The following FBLN1 variants were observed in gnomAD, a reference collection of about 807,000 sequenced individuals.
FBLN1 encodes the protein fibulin-1.
A neutral mutation model predicts 89.7 loss-of-function variants in FBLN1; 34 were observed. That is an observed-to-expected ratio of 0.38 (90% confidence interval 0.29 to 0.50). The LOEUF (loss-of-function observed/expected upper bound fraction) is 0.50. Ranked by LOEUF, FBLN1 falls within the 20% of genes least tolerant of loss-of-function variation. The pLI is 0.92. For missense variants in FBLN1, 777 were observed against 988.1 expected, an observed-to-expected ratio of 0.79 and a Z score of 2.86; for synonymous variants, 393 against 391.3, an observed-to-expected ratio of 1.00 and a Z score of -0.05.
intron 1 of FBLN1, among the ~76,000 whole-genome samples, chr22:45,506,722 C>T (rs906392350): frequency 4.2e-4 from 64 of 152,288 alleles, no homozygotes; most frequent in Non-Finnish European, 1.5e-4. Flanking sequence ...ACTTCCAGTT[C>T]CTTCCAGTTC....
intron 14 of FBLN1, among the ~76,000 whole-genome samples, chr22:45,552,202 A>G (rs1171277967): frequency 6.6e-6 from 1 of 151,784 alleles, no homozygotes; most frequent in Non-Finnish European, 1.5e-5. Context: ...GGAGGAGGGG[A>G]CCCCACCTGG....
At chr22:45,535,449 G>T in intron 8 of FBLN1, 112 bp downstream of exon 8, 1 of 1,346,050 alleles carries the variant, frequency 7.4e-7, no homozygotes, top group South Asian at 1.2e-5. Context: ...AACAGGGGTT[G>T]GCAAACTTTT....
At chr22:45,554,830 G>A (rs1232104722) in intron 14 of FBLN1, among the ~76,000 whole-genome samples, 1 of 152,234 alleles carries the variant, frequency 6.6e-6, no homozygotes, top group East Asian at 1.9e-4. Flanking sequence ...TCAGTACACA[G>A]GAGACGACCC....
In FBLN1 at chr22:45,532,549, A is replaced by T. The variant is rs1490111688; in HGVS notation, c.545-514A>T. Among the ~76,000 whole-genome samples, 1 of 152,156 alleles carries T rather than the reference A, an allele frequency of 6.6e-6. No homozygotes were observed. The highest frequency in any genetic ancestry group is 1.5e-5 in the Non-Finnish European group (1 of 68,020). The stretch of plus-strand genomic sequence containing the variant: ...CTGAGCATCACTCTGGCCACCCTGT[A>T]GGAAGAACAGGTTGTGGGGTGCTTC... On this transcript the variant is annotated intron_variant, in intron 5 of 16. Coordinates refer to ENST00000327858, the MANE Select transcript of FBLN1 (RefSeq NM_006486.3). The surrounding 1 kb of genome is among the most constrained non-coding windows in gnomAD (Gnocchi z 4.2).
At chr22:45,526,477 G>C (rs566380022) in intron 3 of FBLN1, among the ~76,000 whole-genome samples, 29 of 152,366 alleles carry the variant, frequency 1.9e-4, no homozygotes, top group African/African-American at 6.7e-4. Flanking sequence ...GCCTGGAGGA[G>C]CTCGGGTTTG....
chr22:45,519,252 A>G (rs1346974717), intron 2 of FBLN1, among the ~76,000 whole-genome samples: 1 of 152,240 alleles, frequency 6.6e-6, no homozygotes, highest in African/African-American at 2.4e-5. Flanking sequence ...CAACATCTGG[A>G]TCGACCGTTT....
chr22:45,577,317 C>G lies in FBLN1; in HGVS notation c.1972+209C>G, dbSNP rs1195571777. Among the ~76,000 whole-genome samples the G allele has an allele frequency of 6.6e-6, 1 of 152,194 alleles. No individual in the cohort carries two copies. Among genetic ancestry groups the G allele is most frequent in the Non-Finnish European group, 1.5e-5 (1 of 68,038 alleles). ...GGGGGATCCTGCCTGGGATCTGACC[C>G]TAGCTGTGCCACCCACTCTCTGGGT... On this transcript the variant is annotated intron_variant, in intron 16 of 16. Coordinates refer to ENST00000327858, the MANE Select transcript of FBLN1 (RefSeq NM_006486.3). The surrounding 1 kb of genome is among the most constrained non-coding windows in gnomAD (Gnocchi z 6.6).
intron 16 of FBLN1, among the ~76,000 whole-genome samples, chr22:45,584,856 G>C (rs2089071349): frequency 6.6e-6 from 1 of 152,224 alleles, no homozygotes; most frequent in African/African-American, 2.4e-5. Context: ...GGTGAGGCCG[G>C]CCTGGCCGGA....
chr22:45,532,361 C>T lies in FBLN1; in HGVS notation c.545-702C>T, dbSNP rs533735965. Among the ~76,000 whole-genome samples, 2 of 152,130 alleles carry T rather than the reference C, an allele frequency of 1.3e-5. No homozygotes were observed. Among genetic ancestry groups the T allele is most frequent in the Admixed American group, 1.3e-4 (2 of 15,288 alleles). ...GAGACCTGAAGCCTTGTAAAGGGCA[C>T]GGACCCACTGTAGCAGGGTACTGGG... On this transcript the variant is annotated intron_variant, in intron 5 of 16. Coordinates refer to ENST00000327858, the MANE Select transcript of FBLN1 (RefSeq NM_006486.3). This position sits in a 1 kb window ranked among gnomAD's most constrained non-coding sequence, Gnocchi z 4.2.
intron 14 of FBLN1, among the ~76,000 whole-genome samples, chr22:45,566,433 G>A (rs146473179): frequency 1.1e-3 from 172 of 152,292 alleles, no homozygotes; most frequent in African/African-American, 3.7e-3. Flanking sequence ...CCCCTGTCCC[G>A]CAGCTCCTTG....
rs2087970858 is a variant in FBLN1 at position 45,503,197 on chromosome 22, G to T, written c.79+133G>T. The T allele has an allele frequency of 7.7e-6, 4 of 519,670 alleles. 1 individual carries two copies. The South Asian group carries it at 3.7e-4, about 48-fold the overall frequency. The allele number at this position is 519,670 out of a possible 1,614,324, so 32.2% of individuals were successfully genotyped here. On this transcript the variant is annotated intron_variant, in intron 1 of 16. Coordinates refer to ENST00000327858, the MANE Select transcript of FBLN1 (RefSeq NM_006486.3). ...TGCGCGGCGCCCCCGGACTGTCAGCGCCGAGGCCTCGGCGACGCCCCCCTC... is the reference window on the plus strand; with the variant it reads ...TGCGCGGCGCCCCCGGACTGTCAGCTCCGAGGCCTCGGCGACGCCCCCCTC...
rs1407393965 is a variant in FBLN1 at position 45,572,330 on chromosome 22, C to T, written c.1698-2181C>T. ...GGACCCAGGAGCCAACTTCATTTTC[C>T]CTCTGGCAAGAGATGGGAAAATTTG... On this transcript the variant is annotated intron_variant, in intron 14 of 16. Coordinates refer to ENST00000327858, the MANE Select transcript of FBLN1 (RefSeq NM_006486.3). The surrounding 1 kb of genome is among the most constrained non-coding windows in gnomAD (Gnocchi z 5.8). Among the ~76,000 whole-genome samples, 1 of 152,038 alleles carries T rather than the reference C, an allele frequency of 6.6e-6. No homozygotes were observed. Among genetic ancestry groups the T allele is most frequent in the Non-Finnish European group, 1.5e-5 (1 of 68,010 alleles).
At chr22:45,542,019 C>A in intron 9 of FBLN1, 136 bp from the exon 10 acceptor site, 1 of 1,330,102 alleles carries the variant, frequency 7.5e-7, no homozygotes, top group Non-Finnish European at 1.1e-6. Context: ...TCAGTAGGTG[C>A]TCTGTGAAGT....
In FBLN1 at chr22:45,581,048, G is replaced by A. The variant is rs1601536628; in HGVS notation, c.1972+3940G>A. Among the ~76,000 whole-genome samples the A allele has an allele frequency of 1.3e-5, 2 of 152,342 alleles. No homozygotes were observed. The highest frequency in any genetic ancestry group is 2.1e-4 in the South Asian group (1 of 4,822). On this transcript the variant is annotated intron_variant, in intron 16 of 16. Coordinates refer to ENST00000327858, the MANE Select transcript of FBLN1 (RefSeq NM_006486.3). The surrounding 1 kb of genome is among the most constrained non-coding windows in gnomAD (Gnocchi z 7.6). ...GGCCACTACAAAGCTTTCCTTATCTGGCTCTGGATTCATTCTCAGCTCTGC... is the reference window on the plus strand; with the variant it reads ...GGCCACTACAAAGCTTTCCTTATCTAGCTCTGGATTCATTCTCAGCTCTGC...
intron 2 of FBLN1, among the ~76,000 whole-genome samples, chr22:45,524,281 T>C (rs2088290645): frequency 1.3e-5 from 2 of 152,234 alleles, no homozygotes; most frequent in African/African-American, 4.8e-5. Flanking sequence ...CTTCCTGCCC[T>C]TGCTGGCTTT....
chr22:45,525,350 C>T (rs1286264207), intron 2 of FBLN1, among the ~76,000 whole-genome samples, 193 bp from the exon 3 acceptor site: 1 of 152,204 alleles, frequency 6.6e-6, no homozygotes, highest in East Asian at 1.9e-4. Flanking sequence ...CCACTGTGCC[C>T]GGCCAAGCCT....
At position 45,580,755 on chromosome 22, in the gene FBLN1, G is replaced by A. The variant is rs573301385; in HGVS notation, c.1972+3647G>A. On this transcript the variant is annotated intron_variant, in intron 16 of 16. Transcript: ENST00000327858. This position sits in a 1 kb window ranked among gnomAD's most constrained non-coding sequence, Gnocchi z 8.6. ...GAAAAACAATCAGCGCACAGGCCCC[G>A]GGGCTCGCCGTGTTCAGTCCTCCCA... Among the ~76,000 whole-genome samples, 18 of 152,248 alleles carry A rather than the reference G, an allele frequency of 1.2e-4. No homozygotes were observed. The highest frequency in any genetic ancestry group is 3.4e-4 in the African/African-American group (14 of 41,556).
At chr22:45,553,806 C>T (rs2088738072) in intron 14 of FBLN1, among the ~76,000 whole-genome samples, 1 of 152,116 alleles carries the variant, frequency 6.6e-6, no homozygotes, top group East Asian at 1.9e-4. Context: ...GGGAGCTGCA[C>T]CAGAACACCA....
chr22:45,571,102 CAA>C (rs1356365359), intron 14 of FBLN1, among the ~76,000 whole-genome samples: 3 of 34,382 alleles, frequency 8.7e-5, no homozygotes, highest in Non-Finnish European at 1.5e-4. Flanking sequence ...GCCTGGGAAA[CAA>C]GAGTCTCAAA....
Sources: gnomAD v4.1 joint callset for allele counts (sites outside exome capture counted in the v4.1 genomes callset) on GRCh38, gnomAD v4.1.1 for gene constraint, Gnocchi (gnomAD v3.1) non-coding constraint, MANE v1.5 for transcripts, NCBI Gene and HGNC (gene_info 2026-07-23, HGNC 2026-07-21) for gene names.